XXYLT1: variants seen among roughly 807,000 people sequenced by gnomAD.
XXYLT1 encodes xyloside xylosyltransferase 1.
Under a neutral mutation model 28.9 loss-of-function variants are expected in XXYLT1, and 20 were observed. The observed-to-expected ratio is 0.69, with a 90% CI of 0.49 to 1.00. XXYLT1 has a LOEUF of 1.00. Ranked by LOEUF, XXYLT1 falls within the 50% of genes least tolerant of loss-of-function variation. XXYLT1 has a pLI of 0.00. For synonymous variants in XXYLT1, 257 were observed against 253.8 expected (o/e 1.01, Z -0.12); for missense variants, 542 against 560.1 (o/e 0.97, Z 0.33).
In XXYLT1 at chr3:195,069,735, T is replaced by A; in HGVS notation, c.1162A>T (p.Thr388Ser). 6.2e-7 allele frequency: 1 copy of A among 1,613,084 alleles called. No individual in the cohort carries two copies. The highest frequency in any genetic ancestry group is 8.5e-7 in the Non-Finnish European group (1 of 1,179,794). Residue 388 changes from threonine to serine, a missense_variant, in exon 4 of 4, where the codon ACT becomes TCT. Thr to Ser is a moderately conservative substitution (Grantham distance 58). Coordinates refer to ENST00000310380, the MANE Select transcript of XXYLT1 (RefSeq NM_152531.5). ...AGCGCCTAGTCCTCCGGGATGGGAG[T>A]GTTGCAGTTCCCGTGGTAGATCTTG... ...HVKIYHGNCNTPIPED is the reference protein window; with the variant it reads ...HVKIYHGNCNSPIPED
chr3:195,189,171 A>G (rs745533906), intron 2 of XXYLT1, among the ~76,000 whole-genome samples: 7 of 152,258 alleles, frequency 4.6e-5, no homozygotes, highest in Non-Finnish European at 7.3e-5. Flanking sequence ...CCACTAAGCT[A>G]CACAGACACC....
intron 3 of XXYLT1, among the ~76,000 whole-genome samples, chr3:195,070,492 G>A (rs915474160): frequency 6.6e-6 from 1 of 152,086 alleles, no homozygotes; most frequent in Non-Finnish European, 1.5e-5. Context: ...TTTGCCCAAA[G>A]TCACACACCT....
rs149125696 is a variant in XXYLT1, at chr3:195,074,050, C to T, written c.786-3939G>A. Among the ~76,000 whole-genome samples the T allele has an allele frequency of 9.2e-5, 14 of 152,314 alleles. No individual in the cohort carries two copies. The East Asian group carries it at 2.3e-3, about 25-fold the overall frequency. On this transcript the variant is annotated intron_variant, in intron 3 of 3. Transcript: ENST00000310380. Reference sequence around the variant, plus strand: ...CTCCCACCTCCTCCTCCCACCACTCCAAACCACAGGCCCTTTTGCCTCCGA... The same window carrying T: ...CTCCCACCTCCTCCTCCCACCACTCTAAACCACAGGCCCTTTTGCCTCCGA...
rs982509611 is a variant in XXYLT1 at position 195,133,734 on chromosome 3, G to A, written c.785+22715C>T. On this transcript the variant is annotated intron_variant, in intron 3 of 3. Coordinates refer to ENST00000310380, the MANE Select transcript of XXYLT1 (RefSeq NM_152531.5). The surrounding 1 kb of genome is among the most constrained non-coding windows in gnomAD (Gnocchi z 4.4). The stretch of plus-strand genomic sequence containing the variant: ...TCAACGACAGAACACACGAACAGAG[G>A]ATGGTGCCAGAAGATCATGATGGAG... Among the ~76,000 whole-genome samples the A allele has an allele frequency of 5.3e-5, 8 of 152,188 alleles. No homozygotes were observed. Among genetic ancestry groups the A allele is most frequent in the Non-Finnish European group, 1.0e-4 (7 of 68,044 alleles).
chr3:195,176,641 T>C lies in XXYLT1; in HGVS notation c.653-20060A>G, dbSNP rs1040041730. On this transcript the variant is annotated intron_variant, in intron 2 of 3. Coordinates refer to ENST00000310380, the MANE Select transcript of XXYLT1 (RefSeq NM_152531.5). This position sits in a 1 kb window ranked among gnomAD's most constrained non-coding sequence, Gnocchi z 4.9. ...ATGTTTGGAGATACATTGATGTTGATGAGGCTGGAGAGCTGGAGGAAGCAA... is the reference window on the plus strand; with the variant it reads ...ATGTTTGGAGATACATTGATGTTGACGAGGCTGGAGAGCTGGAGGAAGCAA... Among the ~76,000 whole-genome samples, 4 of 152,194 alleles carry C rather than the reference T, an allele frequency of 2.6e-5. No individual in the cohort carries two copies. Among genetic ancestry groups the C allele is most frequent in the Non-Finnish European group, 5.9e-5 (4 of 68,042 alleles).
chr3:195,226,983 G>T (rs1003862810), intron 1 of XXYLT1, 127 bp from the exon 2 acceptor site: 2 of 1,168,584 alleles, frequency 1.7e-6, no homozygotes, highest in Non-Finnish European at 2.4e-6. Context: ...ACAAGCAGGG[G>T]ATGGGGCTAG....
At chr3:195,143,203 G>C (rs1719582322) in intron 3 of XXYLT1, among the ~76,000 whole-genome samples, 1 of 152,168 alleles carries the variant, frequency 6.6e-6, no homozygotes, top group African/African-American at 2.4e-5. Flanking sequence ...AAACAAAGTT[G>C]GAGTGCCCCT....
At chr3:195,246,779 C>T (rs1345042663) in intron 1 of XXYLT1, among the ~76,000 whole-genome samples, 3 of 152,182 alleles carry the variant, frequency 2.0e-5, no homozygotes, top group African/African-American at 4.8e-5. Flanking sequence ...TTCCAGACAC[C>T]GTGACACAGG....
intron 1 of XXYLT1, 139 bp from the exon 2 acceptor site, chr3:195,226,995 G>T: frequency 9.8e-7 from 1 of 1,018,068 alleles, no homozygotes; most frequent in Non-Finnish European, 1.4e-6. Flanking sequence ...TGGGGCTAGG[G>T]GTAGCAACGG....
Position 195,254,291 on chromosome 3 carries a change from C to T in XXYLT1, c.504+16264G>A, listed in dbSNP as rs192788669. Among the ~76,000 whole-genome samples, 194 of 152,350 alleles carry T rather than the reference C, an allele frequency of 1.3e-3. 2 individuals carry two copies. Among genetic ancestry groups the T allele is most frequent in the African/African-American group, 4.5e-3 (187 of 41,588 alleles). On this transcript the variant is annotated intron_variant, in intron 1 of 3. Transcript: ENST00000310380. Reference sequence around the variant, plus strand: ...GGGTCAGCAGCAGAAACAACACGCCCCTCACCCTCCCAACCACAGGACGCA... The same window carrying T: ...GGGTCAGCAGCAGAAACAACACGCCTCTCACCCTCCCAACCACAGGACGCA...
At chr3:195,088,046 T>C (rs931816638) in intron 3 of XXYLT1, among the ~76,000 whole-genome samples, 1 of 150,480 alleles carries the variant, frequency 6.6e-6, no homozygotes, top group Non-Finnish European at 1.5e-5. Context: ...CCCCACGGAG[T>C]CTCGCTGATT....
intron 2 of XXYLT1, among the ~76,000 whole-genome samples, chr3:195,171,407 A>G (rs1721399469): frequency 6.6e-6 from 1 of 152,238 alleles, no homozygotes; most frequent in Non-Finnish European, 1.5e-5. Context: ...CTTTCCAACC[A>G]TAAACCCAGA....
chr3:195,156,478 G>C lies in XXYLT1; in HGVS notation c.756C>G (p.Gly252=). 1 of 1,614,208 alleles carries C rather than the reference G, an allele frequency of 6.2e-7. No individual in the cohort carries two copies. The highest frequency in any genetic ancestry group is 8.5e-7 in the Non-Finnish European group (1 of 1,180,042). ...FDSFLPGAII[G]IAREMQPVYR... ...AAACTGGCTGCATCTCCCGGGCTAT[G>C]CCGATGATGGCGCCTGGCAGGAAAC... is the stretch of plus-strand genomic sequence containing the variant. Residue 252 remains glycine (G), a synonymous_variant, in exon 3 of 4, where the codon GGC becomes GGG. Coordinates refer to ENST00000310380, the MANE Select transcript of XXYLT1 (RefSeq NM_152531.5).
intron 3 of XXYLT1, among the ~76,000 whole-genome samples, chr3:195,127,880 G>A (rs1718716141): frequency 6.6e-6 from 1 of 152,176 alleles, no homozygotes; most frequent in South Asian, 2.1e-4. Context: ...TGAAGGGTCT[G>A]TGAAATGATT....
At chr3:195,260,886 A>G (rs191795269) in intron 1 of XXYLT1, among the ~76,000 whole-genome samples, 2 of 152,302 alleles carry the variant, frequency 1.3e-5, no homozygotes, top group South Asian at 2.1e-4. Context: ...CAGAAAGCGC[A>G]GTTTTGGTTC....
chr3:195,237,566 C>T (rs535502064), intron 1 of XXYLT1, among the ~76,000 whole-genome samples: 6 of 144,430 alleles, frequency 4.2e-5, no homozygotes, highest in Admixed American at 6.9e-5. Context: ...TGGTGTAGAT[C>T]GTTGTCAAAT....
chr3:195,144,340 A>G lies in XXYLT1; in HGVS notation c.785+12109T>C, dbSNP rs140811536. On this transcript the variant is annotated intron_variant, in intron 3 of 3. Coordinates refer to ENST00000310380, the MANE Select transcript of XXYLT1 (RefSeq NM_152531.5). ...GATTTGTGGGTTTTTTCATCCACAA[A>G]TCTCTCCCAGATTCTGGCTGGCAAA... is the stretch of plus-strand genomic sequence containing the variant. Among the ~76,000 whole-genome samples the G allele has an allele frequency of 6.4e-3, 965 of 150,986 alleles. 5 individuals are homozygous for G. Among genetic ancestry groups the G allele is most frequent in the Non-Finnish European group, 0.011 (741 of 67,774 alleles).
intron 1 of XXYLT1, among the ~76,000 whole-genome samples, chr3:195,265,609 T>C (rs942303677): frequency 6.6e-6 from 1 of 152,064 alleles, no homozygotes; most frequent in Admixed American, 6.5e-5. Flanking sequence ...AGAGGAGACA[T>C]GAGAGGCGCC....
At chr3:195,260,537 G>T (rs1725661071) in intron 1 of XXYLT1, among the ~76,000 whole-genome samples, 1 of 152,236 alleles carries the variant, frequency 6.6e-6, no homozygotes, top group Non-Finnish European at 1.5e-5. Flanking sequence ...GCATCCTCCC[G>T]TCCCGGGCGA....
Sources: gnomAD v4.1 joint callset for allele counts (sites outside exome capture counted in the v4.1 genomes callset) on GRCh38, gnomAD v4.1.1 for gene constraint, Gnocchi (gnomAD v3.1) non-coding constraint, MANE v1.5 for transcripts, NCBI Gene and HGNC (gene_info 2026-07-23, HGNC 2026-07-21) for gene names.